HJV: variants seen among roughly 807,000 people sequenced by gnomAD.
HJV encodes hemojuvelin BMP co-receptor, also known as hemojuvelin.
HJV carries 18 observed loss-of-function variants against 22.7 expected under a neutral mutation model. That is an observed-to-expected ratio of 0.79 (90% CI 0.55 to 1.18). The LOEUF (loss-of-function observed/expected upper bound fraction) is 1.18. Ranked by LOEUF, HJV falls within the 50% of genes most tolerant of loss-of-function variation. The pLI, the probability that HJV is intolerant of heterozygous loss-of-function variation, is 0.00. For missense variants in HJV, 572 were observed against 553.0 expected (o/e 1.03, Z -0.34); for synonymous variants, 229 against 222.7 (o/e 1.03, Z -0.25).
chr1:146,018,769 C>A, intron 3 of HJV, 69 bp from the exon 4 acceptor site: 2 of 1,513,786 alleles, frequency 1.3e-6, no homozygotes, highest in Non-Finnish European at 9.1e-7. Context: ...AGACCTCATA[C>A]ATAGTTAGAG....
At position 146,020,239 on chromosome 1, in the gene HJV, C is replaced by G; in HGVS notation, c.-8G>C. On this transcript the variant is annotated 5_prime_UTR_variant, in exon 2 of 4. Transcript: ENST00000336751. ...CTGGCCTGGCTCCCCCATACCTATC[C>G]AGCCAGGTTTCCCAGGCGCCGGTTC... The G allele has an allele frequency of 6.3e-7, 1 of 1,593,528 alleles. No individual in the cohort carries two copies. Among genetic ancestry groups the G allele is most frequent in the African/African-American group, 1.3e-5 (1 of 74,618 alleles).
At position 146,018,604 on chromosome 1, in the gene HJV, T is replaced by C; in HGVS notation, c.754A>G (p.Ile252Val). ...NLPVAFEDGSINGGDRPGGSS... is the reference protein window; with the variant it reads ...NLPVAFEDGSVNGGDRPGGSS... ...CCCCCAGGTCGGTCACCTCCATTGATAGAACCATCTTCAAAGGCTACAGGA... is the reference window on the plus strand; with the variant it reads ...CCCCCAGGTCGGTCACCTCCATTGACAGAACCATCTTCAAAGGCTACAGGA... Residue 252 changes from isoleucine to valine, a missense_variant, in exon 4 of 4, where the codon ATC becomes GTC. Coordinates refer to ENST00000336751, the MANE Select transcript of HJV (RefSeq NM_213653.4). 6.2e-7 allele frequency: 1 copy of C among 1,614,198 alleles called. No individual in the cohort carries two copies. The highest frequency in any genetic ancestry group is 8.5e-7 in the Non-Finnish European group (1 of 1,180,016).
chr1:146,020,747 A>G (rs1553770027), intron 1 of HJV, among the ~76,000 whole-genome samples: 1 of 152,208 alleles, frequency 6.6e-6, no homozygotes, highest in Non-Finnish European at 1.5e-5. Flanking sequence ...GATGCCCTCT[A>G]GGAGTCATAC....
Position 146,018,569 on chromosome 1 carries a change from C to T in HJV, c.789G>A (p.Leu263=), listed in dbSNP as rs782347230. The part of the protein sequence containing the change: ...NGGDRPGGSS[L]SIQTANPGNH... ...TCCCAGGGTTAGCAGTTTGAATCGACAAACTGGATCCCCCAGGTCGGTCAC... is the reference window on the plus strand; with the variant it reads ...TCCCAGGGTTAGCAGTTTGAATCGATAAACTGGATCCCCCAGGTCGGTCAC... The change falls in exon 4 of 4, where the codon TTG becomes TTA. Residue 263 remains leucine (L), a synonymous_variant. Transcript: ENST00000336751. 15 of 1,614,202 alleles carry T rather than the reference C, an allele frequency of 9.3e-6. No homozygotes were observed. In the Admixed American group the frequency reaches 1.2e-4, roughly 13 times the overall value.
chr1:146,017,943 T>C lies in HJV; in HGVS notation c.*134A>G. On this transcript the variant is annotated 3_prime_UTR_variant, in exon 4 of 4. Transcript: ENST00000336751. ...ATAATTTCAACCCTGGACTGCAGCC[T>C]CATCTGACTCTGGATAATGTCATTG... The C allele has an allele frequency of 1.0e-6, 1 of 990,174 alleles. No homozygotes were observed. The highest frequency in any genetic ancestry group is 1.5e-6 in the Non-Finnish European group (1 of 646,358). 61.3% of individuals were successfully genotyped at this position (990,174 alleles called of 1,614,324 possible).
rs1553769382 is a variant in HJV, at chr1:146,018,199, A to C, written c.1159T>G (p.Phe387Val). 6.2e-7 allele frequency: 1 copy of C among 1,614,210 alleles called. No individual in the cohort carries two copies. The highest frequency in any genetic ancestry group is 1.1e-5 in the South Asian group (1 of 91,082). The part of the protein sequence containing the change: ...AQAALEDARA[F>V]LPDLEKLHLF... ...TGCAGCTTCTCTAAGTCTGGCAGGA[A>C]GGCTCGGGCATCCTCCAGTGCTGCC... Residue 387 changes from phenylalanine to valine, a missense_variant, in exon 4 of 4, where the codon TTC becomes GTC. Phe to Val is a conservative substitution (Grantham distance 50). Transcript: ENST00000336751.
chr1:146,019,877 C>A, intron 2 of HJV, 143 bp from the exon 3 acceptor site: 4 of 1,282,772 alleles, frequency 3.1e-6, no homozygotes, highest in African/African-American at 1.5e-5. Flanking sequence ...CAGCCCCCAA[C>A]CCCCTAGTCC....
At position 146,018,373 on chromosome 1, in the gene HJV, G is replaced by A. The variant is rs782386455; in HGVS notation, c.985C>T (p.Arg329Ter). Residue 329 changes from arginine (R) to a stop codon, truncating the protein, a stop_gained, in exon 4 of 4, where the codon CGA (arginine) becomes TGA (stop). Transcript: ENST00000336751. LOFTEE classifies it high-confidence loss of function. ...GCTCCCCGACGATTGCGCTCTGATC[G>A]AGAGAGTCGCTGACTTGGAGGGCAC... ...GGCPPSQRLS[R>*]SERNRRGAIT... 1 of 1,614,148 alleles carries A rather than the reference G, an allele frequency of 6.2e-7. No homozygotes were observed. The highest frequency in any genetic ancestry group is 8.5e-7 in the Non-Finnish European group (1 of 1,180,038).
Position 146,019,515 on chromosome 1 carries a change from G to A in HJV, c.317C>T (p.Ala106Val). ...CATCAGGTCTTCGATGCCATGTACC[G>A]CCGAATGGAAGGCGAGGTCCCCGCG... is the stretch of plus-strand genomic sequence containing the variant. Reference protein sequence around the residue: ...TCRGDLAFHSAVHGIEDLMIQ... With the variant: ...TCRGDLAFHSVVHGIEDLMIQ... The change falls in exon 3 of 4, where the codon GCG (alanine) becomes GTG (valine). Residue 106 changes from alanine (A) to valine (V), a missense_variant. Ala to Val is a moderately conservative substitution (Grantham distance 64). Transcript: ENST00000336751. 1 of 1,612,922 alleles carries A rather than the reference G, an allele frequency of 6.2e-7. No homozygotes were observed. Among genetic ancestry groups the A allele is most frequent in the Non-Finnish European group, 8.5e-7 (1 of 1,179,922 alleles).
rs1553769790 is a variant in HJV, at chr1:146,019,714, G to A, written c.118C>T (p.Leu40Phe). 1 of 1,614,088 alleles carries A rather than the reference G, an allele frequency of 6.2e-7. No individual in the cohort carries two copies. The highest frequency in any genetic ancestry group is 8.5e-7 in the Non-Finnish European group (1 of 1,179,988). Residue 40 changes from leucine to phenylalanine, a missense_variant, in exon 3 of 4, where the codon CTC (leucine) becomes TTC (phenylalanine). Transcript: ENST00000336751. ...CGHAHSQCKI[L>F]RCNAEYVSST... ...GATACGTACTCAGCATTGCAGCGGA[G>A]GATCTTGCATTGAGAATGAGCTAAA... is the stretch of plus-strand genomic sequence containing the variant.
chr1:146,018,911 G>A (rs899112269), intron 3 of HJV, among the ~76,000 whole-genome samples: 2 of 152,084 alleles, frequency 1.3e-5, no homozygotes, highest in Non-Finnish European at 2.9e-5. Context: ...CCTAGGAGAG[G>A]GAAAAGTTTC....
chr1:146,019,328 A>T lies in HJV; in HGVS notation c.504T>A (p.Ala168=). ...HGRPPGFLHC[A]SFGDPHVRSF... The stretch of plus-strand genomic sequence containing the variant: ...TGCGCACATGGGGGTCCCCGAAGGA[A>T]GCGCAATGCAAGAACCCCGGGGGAC... The change falls in exon 3 of 4, where the codon GCT becomes GCA. Residue 168 remains alanine, a synonymous_variant. Coordinates refer to ENST00000336751, the MANE Select transcript of HJV (RefSeq NM_213653.4). 3 of 1,613,840 alleles carry T rather than the reference A, an allele frequency of 1.9e-6. No homozygotes were observed. In the South Asian group the frequency reaches 3.3e-5, roughly 18 times the overall value.
chr1:146,021,354 T>C (rs1652725902), intron 1 of HJV, among the ~76,000 whole-genome samples: 1 of 151,852 alleles, frequency 6.6e-6, no homozygotes, highest in South Asian at 2.1e-4. Flanking sequence ...GGTAATAAGG[T>C]AAAGAGAGGG....
Position 146,019,525 on chromosome 1 carries a change from A to G in HJV, c.307T>C (p.Phe103Leu), listed in dbSNP as rs974187657. The change falls in exon 3 of 4, where the codon TTC (phenylalanine) becomes CTC (leucine). Residue 103 changes from phenylalanine to leucine, a missense_variant. Coordinates refer to ENST00000336751, the MANE Select transcript of HJV (RefSeq NM_213653.4). ...TCGATGCCATGTACCGCCGAATGGA[A>G]GGCGAGGTCCCCGCGGCAGGTGCGG... Reference protein sequence around the residue: ...TARTCRGDLAFHSAVHGIEDL... With the variant: ...TARTCRGDLALHSAVHGIEDL... The G allele has an allele frequency of 6.2e-7, 1 of 1,613,106 alleles. No homozygotes were observed. The highest frequency in any genetic ancestry group is 8.5e-7 in the Non-Finnish European group (1 of 1,179,924).
Position 146,019,467 on chromosome 1 carries a change from T to C in HJV, c.365A>G (p.Gln122Arg). The C allele has an allele frequency of 1.1e-5, 17 of 1,612,716 alleles. No individual in the cohort carries two copies. Among genetic ancestry groups the C allele is most frequent in the Non-Finnish European group, 1.4e-5 (17 of 1,179,832 alleles). Residue 122 changes from glutamine (Q) to arginine (R), a missense_variant, in exon 3 of 4, where the codon CAG (glutamine) becomes CGG (arginine). Coordinates refer to ENST00000336751, the MANE Select transcript of HJV (RefSeq NM_213653.4). The part of the protein sequence containing the change: ...DLMIQHNCSR[Q>R]GPTAPPPPRG... ...GGGCGGGGGAGGGGCTGTAGGGCCC[T>C]GGCGGGAGCAGTTGTGCTGGATCAT...
chr1:146,018,382 G>A lies in HJV; in HGVS notation c.976C>T (p.Arg326Ter), dbSNP rs74315324. 4.1e-5 allele frequency: 66 copies of A among 1,613,990 alleles called. No individual in the cohort carries two copies. Among genetic ancestry groups the A allele is most frequent in the Non-Finnish European group, 5.3e-5 (62 of 1,180,034 alleles). Residue 326 changes from arginine (R) to a stop codon, truncating the protein, a stop_gained, in exon 4 of 4, where the codon CGA becomes TGA. Coordinates refer to ENST00000336751, the MANE Select transcript of HJV (RefSeq NM_213653.4). LOFTEE classifies it high-confidence loss of function. ...CGATTGCGCTCTGATCGAGAGAGTCGCTGACTTGGAGGGCACCCCCCAACA... is the reference window on the plus strand; with the variant it reads ...CGATTGCGCTCTGATCGAGAGAGTCACTGACTTGGAGGGCACCCCCCAACA... ...LCVGGCPPSQRLSRSERNRRG... is the reference protein window; with the variant it reads ...LCVGGCPPSQ
At position 146,019,313 on chromosome 1, in the gene HJV, G is replaced by A. The variant is rs1652550035; in HGVS notation, c.519C>T (p.Pro173=). The A allele has an allele frequency of 3.7e-6, 6 of 1,613,852 alleles. No individual in the cohort carries two copies. Among genetic ancestry groups the A allele is most frequent in the Non-Finnish European group, 5.1e-6 (6 of 1,180,038 alleles). The change falls in exon 3 of 4, where the codon CCC becomes CCT. Residue 173 remains proline, a synonymous_variant. Coordinates refer to ENST00000336751, the MANE Select transcript of HJV (RefSeq NM_213653.4). ...GFLHCASFGD[P]HVRSFHHHFH... is the part of the protein sequence containing the mutation. ...AGTGATGGTGGAAGCTGCGCACATGGGGGTCCCCGAAGGAAGCGCAATGCA... is the reference window on the plus strand; with the variant it reads ...AGTGATGGTGGAAGCTGCGCACATGAGGGTCCCCGAAGGAAGCGCAATGCA...
chr1:146,018,289 A>G lies in HJV; in HGVS notation c.1069T>C (p.Tyr357His). 6.2e-7 allele frequency: 1 copy of G among 1,614,078 alleles called. No homozygotes were observed. Among genetic ancestry groups the G allele is most frequent in the East Asian group, 2.2e-5 (1 of 44,886 alleles). The change falls in exon 4 of 4, where the codon TAC becomes CAC. Residue 357 changes from tyrosine (Y) to histidine (H), a missense_variant. Tyr to His is a moderately conservative substitution (Grantham distance 83). Coordinates refer to ENST00000336751, the MANE Select transcript of HJV (RefSeq NM_213653.4). ...CKEGLPVEDA[Y>H]FHSCVFDVLI... ...ACATCAAAGACACAGGAATGGAAGTAAGCATCTTCCACTGGAAGCCCTTCC... is the reference window on the plus strand; with the variant it reads ...ACATCAAAGACACAGGAATGGAAGTGAGCATCTTCCACTGGAAGCCCTTCC...
Position 146,020,146 on chromosome 1 carries a change from A to C in HJV, c.86T>G (p.Leu29Arg). 1 of 1,607,466 alleles carries C rather than the reference A, an allele frequency of 6.2e-7. No homozygotes were observed. Among genetic ancestry groups the C allele is most frequent in the Non-Finnish European group, 8.5e-7 (1 of 1,174,016 alleles). ...TLSTLTLLLL[L>R]CGHAHSQCKI... ...TGGCCCTTCCTTACCATGTCCACAG[A>C]GGAGCAGCAGGAGAGTGAGAGTGCT... is the stretch of plus-strand genomic sequence containing the variant. Residue 29 changes from leucine (L) to arginine (R), a missense_variant, in exon 2 of 4, where the codon CTC (leucine) becomes CGC (arginine). Leu to Arg is a moderately radical substitution (Grantham distance 102). Coordinates refer to ENST00000336751, the MANE Select transcript of HJV (RefSeq NM_213653.4).
Sources: gnomAD v4.1 joint callset for allele counts (sites outside exome capture counted in the v4.1 genomes callset) on GRCh38, gnomAD v4.1.1 for gene constraint, MANE v1.5 for transcripts, NCBI Gene and HGNC (gene_info 2026-07-23, HGNC 2026-07-21) for gene names.